The following KIF5C variants were observed in gnomAD, a reference collection of about 807,000 sequenced individuals.
KIF5C encodes the protein kinesin family member 5C.
A neutral mutation model predicts 125.2 loss-of-function variants in KIF5C; 18 were observed. The ratio of observed to expected loss-of-function variants is 0.14; its 90% CI spans 0.10 to 0.21. The LOEUF (loss-of-function observed/expected upper bound fraction) is 0.21. Among genes scored for constraint, KIF5C ranks in the 10% least tolerant of loss-of-function variants. KIF5C has a pLI of 1.00. For synonymous variants in KIF5C, 405 were observed against 434.0 expected, an observed-to-expected ratio of 0.93 and a Z score of 0.83; for missense variants, 780 against 1,183.8, an observed-to-expected ratio of 0.66 and a Z score of 5.01.
At chr2:148,946,856 C>A in intron 7 of KIF5C, 43 bp from the exon 8 acceptor site, 3 of 1,601,250 alleles carry the variant, frequency 1.9e-6, no homozygotes, top group Non-Finnish European at 2.5e-6. Context: ...GCTACCTAAA[C>A]CTACATGTTC....
chr2:148,916,398 C>A (rs1681553550), intron 1 of KIF5C, among the ~76,000 whole-genome samples: 1 of 152,114 alleles, frequency 6.6e-6, no homozygotes, highest in Admixed American at 6.6e-5. Context: ...TTTTCTGGGG[C>A]TCTTGGAAAT....
intron 1 of KIF5C, among the ~76,000 whole-genome samples, chr2:148,893,704 CAT>C (rs1681766094): frequency 6.6e-6 from 1 of 152,218 alleles, no homozygotes; most frequent in Non-Finnish European, 1.5e-5. Flanking sequence ...ATTCTCAACA[CAT>C]GATTCCGAAT....
chr2:149,002,231 A>G (rs1380703728), intron 21 of KIF5C, among the ~76,000 whole-genome samples: 1 of 152,270 alleles, frequency 6.6e-6, no homozygotes, highest in Non-Finnish European at 1.5e-5. Context: ...TATCAATGAA[A>G]TATTTTGGGA....
intron 14 of KIF5C, among the ~76,000 whole-genome samples, chr2:148,982,784 A>C (rs149415644): frequency 7.9e-4 from 121 of 152,358 alleles, no homozygotes; most frequent in African/African-American, 2.5e-3. Context: ...AACATTTTTC[A>C]TAATACAGTT....
intron 1 of KIF5C, among the ~76,000 whole-genome samples, chr2:148,910,619 G>C (rs1265942854): frequency 6.6e-6 from 1 of 152,198 alleles, no homozygotes; most frequent in Non-Finnish European, 1.5e-5. Flanking sequence ...GGAATCGTCA[G>C]AGCAGTGAGG....
intron 15 of KIF5C, among the ~76,000 whole-genome samples, chr2:148,985,548 A>G (rs961516508): frequency 3.3e-5 from 5 of 152,236 alleles, no homozygotes; most frequent in Non-Finnish European, 7.3e-5. Context: ...ACAGCATCTT[A>G]TACAAAGGAG....
At chr2:148,908,923 G>A (rs1681222013) in intron 1 of KIF5C, among the ~76,000 whole-genome samples, 1 of 152,142 alleles carries the variant, frequency 6.6e-6, no homozygotes, top group African/African-American at 2.4e-5. Flanking sequence ...TACATGATGA[G>A]GCCAGTATGG....
intron 14 of KIF5C, 91 bp from the exon 15 acceptor site, chr2:148,983,529 C>A (rs1216241012): frequency 5.0e-6 from 7 of 1,390,894 alleles, no homozygotes; most frequent in South Asian, 2.0e-5. Context: ...AAAAGAAATC[C>A]ATTCTACATG....
intron 4 of KIF5C, 46 bp downstream of exon 4, chr2:148,937,434 T>C: frequency 6.5e-7 from 1 of 1,539,874 alleles, no homozygotes. Flanking sequence ...GGGCCCCAGA[T>C]AACGTTTCTT....
At chr2:148,898,441 T>C (rs1680750538) in intron 1 of KIF5C, among the ~76,000 whole-genome samples, 1 of 152,224 alleles carries the variant, frequency 6.6e-6, no homozygotes, top group South Asian at 2.1e-4. Context: ...TTATGTTGCA[T>C]GACCAGTGGG....
chr2:149,015,081 T>C (rs1425648289), intron 25 of KIF5C, among the ~76,000 whole-genome samples: 2 of 152,030 alleles, frequency 1.3e-5, no homozygotes, highest in Non-Finnish European at 2.9e-5. Context: ...CCTAGCTACT[T>C]GGGAGGTTGA....
intron 2 of KIF5C, among the ~76,000 whole-genome samples, chr2:148,927,096 G>A (rs1682032115): frequency 6.6e-6 from 1 of 152,206 alleles, no homozygotes; most frequent in Non-Finnish European, 1.5e-5. Context: ...CAAAACAAGT[G>A]AAGCCACGGA....
In KIF5C at chr2:149,007,870, G is replaced by A. The variant is rs923813889; in HGVS notation, c.2446-93G>A. The A allele has an allele frequency of 1.3e-5, 17 of 1,311,664 alleles. No homozygotes were observed. The African/African-American group carries it at 2.2e-4, about 17-fold the overall frequency. 81.3% of individuals were successfully genotyped at this position (1,311,664 alleles called of 1,614,324 possible). A position where few individuals can be genotyped will look rare whatever the true frequency, so the allele number is the denominator to read the frequency against. ...TTCACTTTCAGAATACCCTTTGGTG[G>A]GAATGGGGATTTTTTTTTTCCATCC... On this transcript the variant is annotated intron_variant, in intron 22 of 25. Transcript: ENST00000435030.
intron 22 of KIF5C, among the ~76,000 whole-genome samples, chr2:149,006,881 G>A (rs1682024966): frequency 6.6e-6 from 1 of 152,142 alleles, no homozygotes; most frequent in Admixed American, 6.5e-5. Context: ...TCAGTCCGAG[G>A]AAGGAGGTGG....
rs373022019 is a variant in KIF5C at position 148,940,298 on chromosome 2, A to G, written c.397-1312A>G. 1.8e-4 allele frequency among the ~76,000 whole-genome samples: 27 copies of G among 152,310 alleles called. 1 individual carries two copies. In the South Asian group the frequency reaches 4.8e-3, roughly 27 times the overall value. ...TAGGCGTGAGTCTTTCAAATGTCACATAAGTGTGTCCATGAGAGATGGGCC... is the reference window on the plus strand; with the variant it reads ...TAGGCGTGAGTCTTTCAAATGTCACGTAAGTGTGTCCATGAGAGATGGGCC... On this transcript the variant is annotated intron_variant, in intron 4 of 25. Transcript: ENST00000435030.
intron 4 of KIF5C, 116 bp downstream of exon 4, chr2:148,937,504 G>T (rs1682315076): frequency 1.4e-6 from 2 of 1,389,700 alleles, no homozygotes; most frequent in South Asian, 1.5e-5. Context: ...TGACATTCTT[G>T]TGGTAAGCAG....
chr2:148,897,032 G>A (rs901954635), intron 1 of KIF5C, among the ~76,000 whole-genome samples: 5 of 151,966 alleles, frequency 3.3e-5, no homozygotes, highest in African/African-American at 4.8e-5. Context: ...GGGGTTTCAC[G>A]ATGTTGGCCA....
At chr2:148,895,185 G>A (rs1405281990) in intron 1 of KIF5C, among the ~76,000 whole-genome samples, 1 of 152,008 alleles carries the variant, frequency 6.6e-6, no homozygotes, top group Non-Finnish European at 1.5e-5. Flanking sequence ...TTCCCAGGCT[G>A]GAGTGCAATG....
chr2:149,004,512 G>T (rs80294961), intron 21 of KIF5C, among the ~76,000 whole-genome samples: 7 of 152,120 alleles, frequency 4.6e-5, no homozygotes, highest in Admixed American at 2.0e-4. Context: ...TCAGGCTCTT[G>T]TCTCAGTAAT....
Sources: gnomAD v4.1 joint callset for allele counts (sites outside exome capture counted in the v4.1 genomes callset) on GRCh38, gnomAD v4.1.1 for gene constraint, MANE v1.5 for transcripts, NCBI Gene and HGNC (gene_info 2026-07-23, HGNC 2026-07-21) for gene names.